Variants in BMAL1 observed in about 807,000 individuals in gnomAD.
BMAL1 encodes basic helix-loop-helix ARNT-like protein 1.
chr11:13,277,590 C>A, the BMAL1 span: 1 of 151,756 alleles, frequency 6.6e-6, no homozygotes, highest in African/African-American at 2.4e-5. Context: ...AGCGGGCTGC[C>A]GAGCCGCGCG....
At chr11:13,296,057 A>G in the BMAL1 span, among the ~76,000 whole-genome samples, 1 of 152,154 alleles carries the variant, frequency 6.6e-6, no homozygotes. Flanking sequence ...GACTACCCAG[A>G]GGAGCTTGGT....
the BMAL1 span, among the ~76,000 whole-genome samples, chr11:13,330,760 C>T: frequency 6.6e-6 from 1 of 152,248 alleles, no homozygotes; most frequent in Non-Finnish European, 1.5e-5. Context: ...AAACATCCAT[C>T]CCATTGCACT....
chr11:13,369,854 G>C, the BMAL1 span: 1 of 1,517,796 alleles, frequency 6.6e-7, no homozygotes, highest in Non-Finnish European at 8.9e-7. Flanking sequence ...TGGTTCCATG[G>C]TTTCTGGCTG....
the BMAL1 span, among the ~76,000 whole-genome samples, chr11:13,355,768 AAACT>A: frequency 6.6e-6 from 1 of 150,988 alleles, no homozygotes; most frequent in African/African-American, 2.4e-5. Flanking sequence ...CTAGCTGGGG[AAACT>A]CTCTGCCTGT....
At chr11:13,342,434 A>G in the BMAL1 span, among the ~76,000 whole-genome samples, 1 of 152,144 alleles carries the variant, frequency 6.6e-6, no homozygotes, top group East Asian at 1.9e-4. Context: ...ATGGCCTTGC[A>G]GGGCATGGTT....
the BMAL1 span, chr11:13,358,373 TC>T: frequency 7.0e-7 from 1 of 1,434,268 alleles, no homozygotes; most frequent in East Asian, 2.5e-5. Flanking sequence ...TTTATTTTTG[TC>T]ATCTTTTCTT....
At chr11:13,325,696 G>GTGTGTGTGTGT in the BMAL1 span, among the ~76,000 whole-genome samples, 3 of 27,208 alleles carry the variant, frequency 1.1e-4, no homozygotes, top group African/African-American at 2.0e-4. Context: ...TGTGTGTGTG[G>GTGTGTGTGTGT]GCTTGAATGA....
At chr11:13,325,203 T>C in the BMAL1 span, among the ~76,000 whole-genome samples, 2 of 152,218 alleles carry the variant, frequency 1.3e-5, no homozygotes, top group Non-Finnish European at 2.9e-5. Context: ...GGATGCATGT[T>C]CTCTGTAGTG....
At chr11:13,350,533 A>G in the BMAL1 span, among the ~76,000 whole-genome samples, 1 of 152,242 alleles carries the variant, frequency 6.6e-6, no homozygotes, top group Non-Finnish European at 1.5e-5. Flanking sequence ...TAAAAACAGT[A>G]TAGTACTGTG....
At chr11:13,291,606 ATTGC>A in the BMAL1 span, among the ~76,000 whole-genome samples, 2 of 152,162 alleles carry the variant, frequency 1.3e-5, no homozygotes, top group Admixed American at 6.5e-5. Flanking sequence ...GCACTTAAGT[ATTGC>A]TTTTGTGACT....
At chr11:13,386,318 T>G in the BMAL1 span, among the ~76,000 whole-genome samples, 3 of 152,190 alleles carry the variant, frequency 2.0e-5, no homozygotes, top group African/African-American at 7.2e-5. Flanking sequence ...TTACTAAATT[T>G]TAAGCGCTTT....
chr11:13,323,043 C>T, the BMAL1 span, among the ~76,000 whole-genome samples: 2 of 151,568 alleles, frequency 1.3e-5, no homozygotes, highest in Non-Finnish European at 2.9e-5. Flanking sequence ...GTGATCCTCC[C>T]ACCTTGGCCT....
the BMAL1 span, among the ~76,000 whole-genome samples, chr11:13,377,214 C>T: frequency 6.6e-6 from 1 of 152,140 alleles, no homozygotes; most frequent in Non-Finnish European, 1.5e-5. Context: ...GCTGCAGCCC[C>T]CATCGATGAC....
At chr11:13,331,949 G>A in the BMAL1 span, among the ~76,000 whole-genome samples, 1 of 152,214 alleles carries the variant, frequency 6.6e-6, no homozygotes, top group Non-Finnish European at 1.5e-5. Context: ...ATGCGAAGAG[G>A]CCGGGCGGGG....
At chr11:13,362,585 G>A in the BMAL1 span, among the ~76,000 whole-genome samples, 1 of 151,912 alleles carries the variant, frequency 6.6e-6, no homozygotes, top group African/African-American at 2.4e-5. Context: ...AACACTTTAG[G>A]GTGGGACCAG....
the BMAL1 span, among the ~76,000 whole-genome samples, chr11:13,385,279 T>A: frequency 6.6e-6 from 1 of 152,242 alleles, no homozygotes; most frequent in African/African-American, 2.4e-5. Context: ...TTGAGCTGTG[T>A]CTCTTCACAG....
At chr11:13,365,068 G>T in the BMAL1 span, among the ~76,000 whole-genome samples, 1 of 152,156 alleles carries the variant, frequency 6.6e-6, no homozygotes, top group Non-Finnish European at 1.5e-5. Context: ...GTTGAAGGCA[G>T]ATGATGGCTG....
the BMAL1 span, chr11:13,386,836 G>C: frequency 2.6e-6 from 4 of 1,512,876 alleles, no homozygotes; most frequent in Non-Finnish European, 3.6e-6. Context: ...AAGCTTACTG[G>C]ATAAGGAGAG....
chr11:13,347,130 T>C, the BMAL1 span, among the ~76,000 whole-genome samples: 17 of 151,882 alleles, frequency 1.1e-4, no homozygotes, highest in Admixed American at 8.5e-4. Context: ...TGGTGGCTCA[T>C]GCCCATAATC....
Sources: allele counts gnomAD v4.1 joint callset (sites outside exome capture counted in the v4.1 genomes callset), GRCh38; gene constraint gnomAD v4.1.1; transcripts MANE v1.5; gene names NCBI Gene and HGNC (gene_info 2026-07-23, HGNC 2026-07-21).